IPO5: variants seen among roughly 807,000 people sequenced by gnomAD.
The protein encoded by IPO5 is importin-5.
In IPO5, 18 loss-of-function variants were observed where a neutral mutation model predicts 143.3. The observed-to-expected ratio is 0.13, with a 90% confidence interval of 0.09 to 0.19. The LOEUF is 0.19. Ranked by LOEUF, IPO5 falls within the 10% of genes least tolerant of loss-of-function variation. IPO5 has a pLI of 1.00. For missense variants in IPO5, 1,013 were observed against 1,336.9 expected (o/e 0.76, Z 3.78); for synonymous variants, 477 against 465.7 (o/e 1.02, Z -0.31).
chr13:97,997,045 G>T (rs926684541), intron 11 of IPO5, among the ~76,000 whole-genome samples: 1 of 152,198 alleles, frequency 6.6e-6, no homozygotes. Context: ...CAGCTAGACA[G>T]TGGGTAGTAT....
At chr13:97,975,138 T>A (rs1886162252) in intron 3 of IPO5, among the ~76,000 whole-genome samples, 1 of 151,718 alleles carries the variant, frequency 6.6e-6, no homozygotes. Flanking sequence ...GTATGAAACC[T>A]CCTCACTAGA....
At chr13:97,977,307 C>G (rs1258239389) in intron 4 of IPO5, among the ~76,000 whole-genome samples, 1 of 152,322 alleles carries the variant, frequency 6.6e-6, no homozygotes, top group East Asian at 1.9e-4. Flanking sequence ...CCTGCCTTGT[C>G]CCTACTGCCT....
Position 98,018,701 on chromosome 13 carries a change from A to G in IPO5, c.2833A>G (p.Thr945Ala). 7 of 1,612,728 alleles carry G rather than the reference A, an allele frequency of 4.3e-6. No individual in the cohort carries two copies. Among genetic ancestry groups the G allele is most frequent in the Non-Finnish European group, 5.9e-6 (7 of 1,178,764 alleles). The change falls in exon 26 of 29, where the codon ACA (threonine) becomes GCA (alanine). Residue 945 changes from threonine (T) to alanine (A), a missense_variant. Coordinates refer to ENST00000651721, the MANE Select transcript of IPO5 (RefSeq NM_002271.6). ...TGGAGATAATTATCGCCCTTTTTGT[A>G]CAGGTACGTTTGCTTATTCCGTTAC... Reference protein sequence around the residue: ...YGGDNYRPFCTEALPLLVRVI... With the variant: ...YGGDNYRPFCAEALPLLVRVI...
chr13:98,020,179 G>C (rs1402916745), intron 27 of IPO5, among the ~76,000 whole-genome samples: 1 of 152,166 alleles, frequency 6.6e-6, no homozygotes, highest in Non-Finnish European at 1.5e-5. Context: ...AAAGTGCTGG[G>C]ATTACAGGCA....
chr13:98,019,320 G>A (rs926290652), intron 26 of IPO5, among the ~76,000 whole-genome samples: 1 of 152,164 alleles, frequency 6.6e-6, no homozygotes, highest in African/African-American at 2.4e-5. Flanking sequence ...ACCCTCGGGT[G>A]ATGTGATGAG....
chr13:97,984,960 A>G (rs1299514079), intron 5 of IPO5, among the ~76,000 whole-genome samples: 15 of 152,218 alleles, frequency 9.9e-5, no homozygotes, highest in African/African-American at 2.4e-5. Context: ...GTTTGTTTGC[A>G]TGAAAGAAGC....
chr13:97,975,862 C>G (rs1538190), intron 3 of IPO5: 514,064 of 967,124 alleles, frequency 0.53, 138,904 homozygotes, highest in African/African-American at 0.75. Flanking sequence ...GGGACAGCCC[C>G]GGGCTGAGTA....
At chr13:97,963,724 T>C (rs1282486796) in intron 2 of IPO5, among the ~76,000 whole-genome samples, 1 of 152,178 alleles carries the variant, frequency 6.6e-6, no homozygotes, top group Non-Finnish European at 1.5e-5. Context: ...CTTTGAATTT[T>C]GTTTTTTTCG....
At chr13:97,982,188 T>A in intron 4 of IPO5, 1 of 264,872 alleles carries the variant, frequency 3.8e-6, no homozygotes, top group Non-Finnish European at 7.1e-6. Context: ...GCACAATGGC[T>A]TAAGTCACAT....
chr13:98,013,949 C>G (rs1889912822), intron 21 of IPO5, 93 bp from the exon 22 acceptor site: 9 of 1,051,328 alleles, frequency 8.6e-6, no homozygotes. Flanking sequence ...CTTAGATAAA[C>G]AGAAGTTGCC....
chr13:97,990,490 G>A lies in IPO5; in HGVS notation c.622G>A (p.Val208Ile). The change falls in exon 9 of 29, where the codon GTT (valine) becomes ATT (isoleucine). Residue 208 changes from valine (V) to isoleucine (I), a missense_variant. By Grantham distance (29) the Val-to-Ile change is conservative. Transcript: ENST00000651721. ...ATTTATACTTGCAAATGAGCATAATGTTGCTCTGTTCAAACATTTTGCAGA... is the reference window on the plus strand; with the variant it reads ...ATTTATACTTGCAAATGAGCATAATATTGCTCTGTTCAAACATTTTGCAGA... The part of the protein sequence containing the change: ...AAFILANEHN[V>I]ALFKHFADLL... The A allele has an allele frequency of 6.2e-7, 1 of 1,607,358 alleles. No individual in the cohort carries two copies. Among genetic ancestry groups the A allele is most frequent in the Admixed American group, 1.7e-5 (1 of 58,120 alleles).
intron 11 of IPO5, among the ~76,000 whole-genome samples, chr13:97,993,863 C>A (rs1333871467): frequency 6.6e-6 from 1 of 152,122 alleles, no homozygotes; most frequent in Non-Finnish European, 1.5e-5. Context: ...TGTAGTGGTA[C>A]CTACCTTTTG....
At chr13:97,959,468 G>A (rs887727187) in intron 2 of IPO5, among the ~76,000 whole-genome samples, 1 of 151,896 alleles carries the variant, frequency 6.6e-6, no homozygotes, top group African/African-American at 2.4e-5. Context: ...GGTGGCTCAC[G>A]CCTATAATCC....
chr13:97,969,462 G>A (rs763118007), intron 2 of IPO5, among the ~76,000 whole-genome samples: 4 of 152,024 alleles, frequency 2.6e-5, no homozygotes, highest in Non-Finnish European at 5.9e-5. Flanking sequence ...GATTATAGGC[G>A]TGAGCCACTG....
intron 18 of IPO5, among the ~76,000 whole-genome samples, chr13:98,009,315 C>A (rs1335000877): frequency 6.6e-6 from 1 of 152,146 alleles, no homozygotes; most frequent in Non-Finnish European, 1.5e-5. Context: ...GAACCAGATT[C>A]TCTAGGTAAT....
At chr13:97,983,991 T>TTTTG (rs1887099206) in intron 5 of IPO5, among the ~76,000 whole-genome samples, 1 of 126,960 alleles carries the variant, frequency 7.9e-6, no homozygotes, top group Non-Finnish European at 1.7e-5. Flanking sequence ...TTTTTTTTTT[T>TTTTG]TTTTTGAGAC....
chr13:97,976,886 G>T (rs997392081), intron 4 of IPO5, 100 bp downstream of exon 4: 2 of 258,534 alleles, frequency 7.7e-6, no homozygotes, highest in Non-Finnish European at 1.3e-5. Context: ...CGGCGGCCGC[G>T]CAGGCTGGGC....
At chr13:97,995,284 A>T (rs1388958021) in intron 11 of IPO5, among the ~76,000 whole-genome samples, 1 of 150,782 alleles carries the variant, frequency 6.6e-6, no homozygotes, top group African/African-American at 2.4e-5. Context: ...AGCAGTGTAC[A>T]CTGTACCCAT....
intron 3 of IPO5, among the ~76,000 whole-genome samples, chr13:97,971,698 C>T (rs1885838276): frequency 6.6e-6 from 1 of 152,102 alleles, no homozygotes; most frequent in Non-Finnish European, 1.5e-5. Context: ...CCTGTAACCC[C>T]AGCACTTTGG....
Sources: gnomAD v4.1 joint callset for allele counts (sites outside exome capture counted in the v4.1 genomes callset) on GRCh38, gnomAD v4.1.1 for gene constraint, MANE v1.5 for transcripts, NCBI Gene and HGNC (gene_info 2026-07-23, HGNC 2026-07-21) for gene names.